PDE7A: variants seen among roughly 807,000 people sequenced by gnomAD.
PDE7A encodes the protein high affinity 3',5'-cyclic-AMP phosphodiesterase 7A.
PDE7A carries 39 observed loss-of-function variants against 64.3 expected under a neutral mutation model. That is an observed-to-expected ratio of 0.61 (90% CI 0.47 to 0.79). The LOEUF (loss-of-function observed/expected upper bound fraction) is 0.79. Among genes scored for constraint, PDE7A ranks in the 30% least tolerant of loss-of-function variants. The probability of loss-of-function intolerance (pLI) is 0.00; values close to 1 mark genes in which losing one functional copy is unlikely to be tolerated. For synonymous variants in PDE7A, 203 were observed against 206.8 expected (o/e 0.98, Z 0.16); for missense variants, 470 against 582.8 (o/e 0.81, Z 1.99).
rs1809285600 is a variant in PDE7A, at chr8:65,777,194, C to T, written c.283+2526G>A. ...TCCTGGGTTCAAGCGATTCTCCTGCCTCGGCCTCCCAAGTAGCTGGGATTA... is the reference window on the plus strand; with the variant it reads ...TCCTGGGTTCAAGCGATTCTCCTGCTTCGGCCTCCCAAGTAGCTGGGATTA... On this transcript the variant is annotated intron_variant, in intron 3 of 12. Transcript: ENST00000401827. Among the ~76,000 whole-genome samples, 4 of 151,124 alleles carry T rather than the reference C, an allele frequency of 2.6e-5. No homozygotes were observed. The South Asian group carries it at 8.3e-4, about 32-fold the overall frequency.
chr8:65,760,627 TA>T (rs1329253875), intron 3 of PDE7A, among the ~76,000 whole-genome samples: 3 of 152,196 alleles, frequency 2.0e-5, no homozygotes, highest in Non-Finnish European at 4.4e-5. Context: ...AAATCAAGGA[TA>T]AAACATGATG....
chr8:65,838,791 G>T (rs975865533), intron 1 of PDE7A: 1 of 152,188 alleles, frequency 6.6e-6, no homozygotes, highest in South Asian at 2.1e-4. Flanking sequence ...CTTTGCTGCT[G>T]TCAGTGTGAA....
At position 65,719,501 on chromosome 8, in the gene PDE7A, G is replaced by A. The variant is rs776231240; in HGVS notation, c.1244-6C>T. ...CACTAGGTAAGTCATAAAACCTTGAGAAAATAGGAGAAAAAGTTATTAACA... is the reference window on the plus strand; with the variant it reads ...CACTAGGTAAGTCATAAAACCTTGAAAAAATAGGAGAAAAAGTTATTAACA... On this transcript the variant is annotated splice_region_variant and splice_polypyrimidine_tract_variant and intron_variant, in intron 12 of 12. Transcript: ENST00000401827. 1 of 1,575,272 alleles carries A rather than the reference G, an allele frequency of 6.3e-7. No homozygotes were observed. The highest frequency in any genetic ancestry group is 8.7e-7 in the Non-Finnish European group (1 of 1,144,992).
intron 7 of PDE7A, among the ~76,000 whole-genome samples, chr8:65,733,318 A>G (rs1275145243): frequency 6.6e-6 from 1 of 152,156 alleles, no homozygotes; most frequent in African/African-American, 2.4e-5. Flanking sequence ...GCCTTCGCTG[A>G]CCAGGTTAAC....
chr8:65,759,289 C>T (rs1260985784), intron 3 of PDE7A, among the ~76,000 whole-genome samples: 1 of 152,198 alleles, frequency 6.6e-6, no homozygotes, highest in African/African-American at 2.4e-5. Context: ...ACAGTACTAT[C>T]TCCTTAAATC....
intron 5 of PDE7A, among the ~76,000 whole-genome samples, chr8:65,742,360 T>C (rs1196168236): frequency 6.6e-6 from 1 of 152,170 alleles, no homozygotes; most frequent in African/African-American, 2.4e-5. Context: ...GCTTTTGCTA[T>C]GTCGCATCAC....
chr8:65,747,505 T>C, intron 4 of PDE7A, 147 bp downstream of exon 4: 1 of 463,460 alleles, frequency 2.2e-6, no homozygotes. Flanking sequence ...AACAAACAGC[T>C]GCTCTAAAGA....
At chr8:65,730,343 G>A (rs1280658512) in intron 7 of PDE7A, among the ~76,000 whole-genome samples, 3 of 151,342 alleles carry the variant, frequency 2.0e-5, no homozygotes, top group Non-Finnish European at 4.4e-5. Context: ...ACCACAACCA[G>A]CTAATTTTGT....
chr8:65,733,166 C>T (rs1172008054), intron 7 of PDE7A, among the ~76,000 whole-genome samples: 1 of 152,180 alleles, frequency 6.6e-6, no homozygotes, highest in Non-Finnish European at 1.5e-5. Context: ...ATTATCAGAA[C>T]TCCACAGGCA....
At chr8:65,728,422 G>T (rs1342770539) in intron 7 of PDE7A, 2 of 152,152 alleles carry the variant, frequency 1.3e-5, no homozygotes, top group African/African-American at 2.4e-5. Flanking sequence ...AGAAATCACT[G>T]TCTGAGGGCT....
chr8:65,834,884 C>T (rs1462965918), intron 1 of PDE7A, among the ~76,000 whole-genome samples: 1 of 152,196 alleles, frequency 6.6e-6, no homozygotes, highest in African/African-American at 2.4e-5. Flanking sequence ...AAATAAAGCC[C>T]TGCAAGTTTA....
chr8:65,747,656 G>T lies in PDE7A; in HGVS notation c.431C>A (p.Ala144Asp). Residue 144 changes from alanine to aspartate, a missense_variant, in exon 4 of 13, where the codon GCC (alanine) becomes GAC (aspartate). By Grantham distance (126) the Ala-to-Asp change is moderately radical. Transcript: ENST00000401827. Reference sequence around the variant, plus strand: ...TCTTAAAAAAACTATACACACCTTGGCTTGTCCATTATAATCATCATCTAA... The same window carrying T: ...TCTTAAAAAAACTATACACACCTTGTCTTGTCCATTATAATCATCATCTAA... ...NILDDDYNGQ[A>D]KCMLEKVGNW... 6.2e-7 allele frequency: 1 copy of T among 1,602,292 alleles called. No individual in the cohort carries two copies. Among genetic ancestry groups the T allele is most frequent in the Non-Finnish European group, 8.5e-7 (1 of 1,172,348 alleles).
chr8:65,824,016 A>C (rs530109299), intron 1 of PDE7A, among the ~76,000 whole-genome samples: 2 of 152,346 alleles, frequency 1.3e-5, no homozygotes, highest in South Asian at 4.1e-4. Context: ...CAATAGAAAC[A>C]ACTCACAGAA....
At chr8:65,746,734 T>G (rs1807693925) in intron 4 of PDE7A, among the ~76,000 whole-genome samples, 1 of 152,078 alleles carries the variant, frequency 6.6e-6, no homozygotes, top group Non-Finnish European at 1.5e-5. Flanking sequence ...GACATAGAGA[T>G]CAATATTCTC....
At chr8:65,773,660 C>T (rs914944791) in intron 3 of PDE7A, among the ~76,000 whole-genome samples, 9 of 152,146 alleles carry the variant, frequency 5.9e-5, no homozygotes, top group Non-Finnish European at 1.3e-4. Context: ...TTATTACTAA[C>T]ATTGATATGT....
chr8:65,804,540 CTT>C (rs762379703), intron 1 of PDE7A, among the ~76,000 whole-genome samples: 18 of 113,004 alleles, frequency 1.6e-4, no homozygotes, highest in Non-Finnish European at 2.5e-4. Context: ...CATTTTGTTG[CTT>C]TTTTTTTTTT....
At chr8:65,769,624 G>A (rs1003727370) in intron 3 of PDE7A, among the ~76,000 whole-genome samples, 2 of 152,246 alleles carry the variant, frequency 1.3e-5, no homozygotes, top group East Asian at 1.9e-4. Context: ...GACTGGGTGC[G>A]GTAGCTCATA....
intron 1 of PDE7A, among the ~76,000 whole-genome samples, chr8:65,789,819 T>C (rs1809652719): frequency 6.6e-6 from 1 of 152,234 alleles, no homozygotes; most frequent in South Asian, 2.1e-4. Context: ...TGCTAATATG[T>C]ACCAGGCTCT....
In PDE7A at chr8:65,715,600, ACTCCCGAC is replaced by A. The variant is rs1211103215; in HGVS notation, c.*3682_*3689del. ...ACCATGTTGGCCAGACTGGTCTCGA[ACTCCCGAC>A]CTCAGGTGATCCACCCACCTCAGCC... On this transcript the variant is annotated 3_prime_UTR_variant, in exon 13 of 13. Coordinates refer to ENST00000401827, the MANE Select transcript of PDE7A (RefSeq NM_001242318.3). Among the ~76,000 whole-genome samples the A allele has an allele frequency of 6.7e-6, 1 of 149,346 alleles. No individual in the cohort carries two copies. Among genetic ancestry groups the A allele is most frequent in the Non-Finnish European group, 1.5e-5 (1 of 67,172 alleles).
Sources: gnomAD v4.1 joint callset for allele counts (sites outside exome capture counted in the v4.1 genomes callset) on GRCh38, gnomAD v4.1.1 for gene constraint, MANE v1.5 for transcripts, NCBI Gene and HGNC (gene_info 2026-07-23, HGNC 2026-07-21) for gene names.